Variants in FAF1 observed in about 807,000 individuals in gnomAD.
The protein encoded by FAF1 is Fas associated factor 1.
In FAF1, 25 loss-of-function variants were observed where a neutral mutation model predicts 92.5. That is an observed-to-expected ratio of 0.27 (90% CI 0.20 to 0.38). The LOEUF (loss-of-function observed/expected upper bound fraction) is 0.38. Ranked by LOEUF, FAF1 falls within the 10% of genes least tolerant of loss-of-function variation. The pLI, the probability that FAF1 is intolerant of heterozygous loss-of-function variation, is 1.00. For synonymous variants in FAF1, 234 were observed against 273.2 expected, an observed-to-expected ratio of 0.86 and a Z score of 1.42; for missense variants, 636 against 793.3, an observed-to-expected ratio of 0.80 and a Z score of 2.38.
At chr1:50,504,959 A>T (rs1342002249) in intron 15 of FAF1, among the ~76,000 whole-genome samples, 2 of 152,250 alleles carry the variant, frequency 1.3e-5, no homozygotes. Flanking sequence ...TAAGACCTCC[A>T]GGTGACTCCT....
Position 50,475,552 on chromosome 1 carries a change from T to C in FAF1, c.1781A>G (p.Asn594Ser), listed in dbSNP as rs541500950. The C allele has an allele frequency of 2.5e-6, 4 of 1,614,136 alleles. No homozygotes were observed. The highest frequency in any genetic ancestry group is 2.2e-5 in the East Asian group (1 of 44,874). ...EFLERRFLAS[N>S]KLQIVFDFVA... ...AAAATCAAAGACAATCTGGAGCTTG[T>C]TGCTGGCCAGGAAACGCCGCTCCAA... The change falls in exon 18 of 19, where the codon AAC becomes AGC. Residue 594 changes from asparagine to serine, a missense_variant. This residue lies in a region of FAF1 where 319 missense variants were observed against 451.0 expected (regional missense o/e 0.71). Transcript: ENST00000396153.
intron 9 of FAF1, among the ~76,000 whole-genome samples, chr1:50,588,094 C>G (rs1393569147): frequency 6.6e-6 from 1 of 152,126 alleles, no homozygotes; most frequent in African/African-American, 2.4e-5. Context: ...CGAGACCAGC[C>G]TGGCCAACAT....
chr1:50,707,202 CAA>C (rs397862445), intron 6 of FAF1, among the ~76,000 whole-genome samples: 50 of 106,804 alleles, frequency 4.7e-4, no homozygotes, highest in Admixed American at 4.2e-4. Flanking sequence ...GACTCTGTGT[CAA>C]AAAAAAAAAA....
At chr1:50,880,534 G>T (rs186593511) in intron 1 of FAF1, among the ~76,000 whole-genome samples, 85 of 152,258 alleles carry the variant, frequency 5.6e-4, no homozygotes, top group African/African-American at 2.0e-3. Flanking sequence ...TAGAGAACTC[G>T]TACACTATCT....
intron 17 of FAF1, among the ~76,000 whole-genome samples, chr1:50,489,068 C>T (rs12074928): frequency 0.012 from 1,804 of 152,286 alleles, 36 homozygotes; most frequent in African/African-American, 0.041. Context: ...ATTATCTCAG[C>T]TGTAAAAGAT....
intron 2 of FAF1, among the ~76,000 whole-genome samples, chr1:50,836,633 C>T (rs1032191565): frequency 6.6e-6 from 1 of 152,140 alleles, no homozygotes; most frequent in Admixed American, 6.5e-5. Flanking sequence ...AATACTCTGA[C>T]AAGTTTACTT....
At chr1:50,448,802 T>C (rs1487294034) in intron 18 of FAF1, among the ~76,000 whole-genome samples, 3 of 152,206 alleles carry the variant, frequency 2.0e-5, no homozygotes, top group Non-Finnish European at 2.9e-5. Flanking sequence ...CAATTGGTCT[T>C]ATGTCTTTCA....
chr1:50,607,860 A>G (rs1302593341), intron 8 of FAF1, among the ~76,000 whole-genome samples: 1 of 152,258 alleles, frequency 6.6e-6, no homozygotes, highest in African/African-American at 2.4e-5. Context: ...CTGAGTAGAC[A>G]GAGGCAATGT....
intron 13 of FAF1, among the ~76,000 whole-genome samples, chr1:50,557,907 CTTATTTAT>C (rs147268445): frequency 2.7e-5 from 4 of 150,520 alleles, no homozygotes; most frequent in South Asian, 2.1e-4. Flanking sequence ...TTATAAATAT[CTTATTTAT>C]TTATTTATTT....
At chr1:50,824,105 C>A (rs1327762384) in intron 2 of FAF1, among the ~76,000 whole-genome samples, 1 of 152,062 alleles carries the variant, frequency 6.6e-6, no homozygotes, top group African/African-American at 2.4e-5. Context: ...TTTCATAAAA[C>A]AAGTATAAAA....
chr1:50,942,075 C>T (rs1645138265), intron 1 of FAF1, among the ~76,000 whole-genome samples: 1 of 152,168 alleles, frequency 6.6e-6, no homozygotes, highest in Non-Finnish European at 1.5e-5. Flanking sequence ...TAGATAATTA[C>T]TTAACCTCTT....
At chr1:50,805,671 C>T (rs1662166867) in intron 2 of FAF1, among the ~76,000 whole-genome samples, 1 of 152,126 alleles carries the variant, frequency 6.6e-6, no homozygotes, top group Non-Finnish European at 1.5e-5. Flanking sequence ...GATATCCTTT[C>T]TCTAATATAC....
intron 18 of FAF1, among the ~76,000 whole-genome samples, chr1:50,471,542 T>C (rs1297631800): frequency 6.6e-6 from 1 of 152,190 alleles, no homozygotes; most frequent in African/African-American, 2.4e-5. Context: ...GGGCAAAATA[T>C]AAATTCCCTC....
intron 4 of FAF1, among the ~76,000 whole-genome samples, chr1:50,778,211 A>G (rs1661033821): frequency 6.6e-6 from 1 of 152,192 alleles, no homozygotes; most frequent in Non-Finnish European, 1.5e-5. Flanking sequence ...CAAAATACAC[A>G]AATGCAATCC....
intron 15 of FAF1, among the ~76,000 whole-genome samples, chr1:50,498,015 T>C (rs1230590383): frequency 6.6e-6 from 1 of 152,174 alleles, no homozygotes; most frequent in East Asian, 1.9e-4. Flanking sequence ...CAAAACTTAC[T>C]ATAAAGCTAC....
rs1263997491 is a variant in FAF1 at position 50,896,635 on chromosome 1, T to C, written c.46-38638A>G. Among the ~76,000 whole-genome samples the C allele has an allele frequency of 2.0e-5, 3 of 152,172 alleles. No individual in the cohort carries two copies. In the East Asian group the frequency reaches 5.8e-4, roughly 29 times the overall value. On this transcript the variant is annotated intron_variant, in intron 1 of 18. Transcript: ENST00000396153. The stretch of plus-strand genomic sequence containing the variant: ...GGAAATTCTGACATACGCTACAACA[T>C]GAATCAACCTTTAAGGACATTATGC...
At chr1:50,954,211 G>T (rs1353219186) in intron 1 of FAF1, among the ~76,000 whole-genome samples, 1 of 151,900 alleles carries the variant, frequency 6.6e-6, no homozygotes, top group African/African-American at 2.4e-5. Flanking sequence ...CCTCCCAAAG[G>T]CCACCACGCC....
intron 8 of FAF1, among the ~76,000 whole-genome samples, chr1:50,622,943 A>G (rs988786607): frequency 1.3e-5 from 2 of 152,160 alleles, no homozygotes; most frequent in Non-Finnish European, 2.9e-5. Context: ...ATCTTCCTCT[A>G]GGACCTGATT....
At chr1:50,953,735 G>T (rs376973652) in intron 1 of FAF1, among the ~76,000 whole-genome samples, 1 of 151,572 alleles carries the variant, frequency 6.6e-6, no homozygotes, top group Non-Finnish European at 1.5e-5. Context: ...GCGAAACTCT[G>T]TCTCAAACAA....
Sources: gnomAD v4.1 joint callset for allele counts (sites outside exome capture counted in the v4.1 genomes callset) on GRCh38, gnomAD v4.1.1 for gene constraint, gnomAD v4.1.1 regional missense constraint, MANE v1.5 for transcripts, NCBI Gene and HGNC (gene_info 2026-07-23, HGNC 2026-07-21) for gene names.